Variants in LYRM4 observed in about 807,000 individuals in gnomAD.
LYRM4 encodes LYR motif-containing protein 4.
A neutral mutation model predicts 11.7 loss-of-function variants in LYRM4; 9 were observed. That is an observed-to-expected ratio of 0.77 (90% CI 0.46 to 1.34). LYRM4 has a LOEUF of 1.34. LYRM4 is among the 40% of genes most tolerant of loss of function. The pLI is 0.00. For synonymous variants in LYRM4, 42 were observed against 40.4 expected, an observed-to-expected ratio of 1.04 and a Z score of -0.15; for missense variants, 133 against 112.5, an observed-to-expected ratio of 1.18 and a Z score of -0.82.
At chr6:5,045,457 G>A in the LYRM4 span, among the ~76,000 whole-genome samples, 4 of 152,178 alleles carry the variant, frequency 2.6e-5, no homozygotes, top group Non-Finnish European at 5.9e-5. Context: ...CCAGGGACTC[G>A]GGGAGAGAGG....
intron 2 of LYRM4, among the ~76,000 whole-genome samples, chr6:5,142,825 G>A (rs1449193605): frequency 6.6e-6 from 1 of 152,162 alleles, no homozygotes; most frequent in Non-Finnish European, 1.5e-5. Flanking sequence ...CTTTCCCTAC[G>A]CTGCCTCGTA....
chr6:5,203,238 C>A lies in LYRM4; in HGVS notation c.207+13380G>T, dbSNP rs181549551. On this transcript the variant is annotated intron_variant, in intron 2 of 2. Transcript: ENST00000330636. ...TTACAGAAATCCAAGGAAAATTTCA[C>A]TGAAGCTCTGATTAGGCATATCTTG... 3.3e-4 allele frequency among the ~76,000 whole-genome samples: 51 copies of A among 152,312 alleles called. No individual in the cohort carries two copies. The East Asian group carries it at 6.6e-3, about 20-fold the overall frequency.
At chr6:5,260,598 T>TGCCCCGGCCCCGGGG in intron 1 of LYRM4, 50 bp downstream of exon 1, 14 of 1,105,554 alleles carry the variant, frequency 1.3e-5, no homozygotes, top group Non-Finnish European at 1.6e-5. Flanking sequence ...GCACCCCCGG[T>TGCCCCGGCCCCGGGG]CCCCGGCCCC....
Position 5,154,133 on chromosome 6 carries a change from A to G in LYRM4, c.208-44642T>C, listed in dbSNP as rs76554044. Among the ~76,000 whole-genome samples, 563 of 152,336 alleles carry G rather than the reference A, an allele frequency of 3.7e-3. 4 individuals carry two copies. The highest frequency in any genetic ancestry group is 0.013 in the African/African-American group (539 of 41,576). On this transcript the variant is annotated intron_variant, in intron 2 of 2. Transcript: ENST00000330636. ...TAAGCCACTAATTTTAATCAATATC[A>G]GTCTGGAGGTTTTAAATGACTTTCT...
chr6:5,216,874 C>T (rs1009583250), intron 1 of LYRM4, 136 bp from the exon 2 acceptor site: 8 of 1,067,540 alleles, frequency 7.5e-6, no homozygotes, highest in Admixed American at 5.7e-5. Context: ...GATCTTTGCT[C>T]GTGGCGCAGG....
intron 2 of LYRM4, among the ~76,000 whole-genome samples, chr6:5,192,940 G>A (rs577005442): frequency 7.8e-4 from 119 of 152,244 alleles, no homozygotes; most frequent in Non-Finnish European, 1.2e-3. Context: ...GCAGGAGAAT[G>A]GCTTGAACCC....
chr6:5,123,331 T>C lies in LYRM4; in HGVS notation c.208-13840A>G, dbSNP rs567671906. On this transcript the variant is annotated intron_variant, in intron 2 of 2. Transcript: ENST00000330636. ...AGTGGAGGTGAGAGAGAACAGAGGG[T>C]GGGACATGGGCAGTCAGCAGTGGTG... Among the ~76,000 whole-genome samples the C allele has an allele frequency of 5.9e-4, 90 of 152,152 alleles. 1 individual carries two copies. The highest frequency in any genetic ancestry group is 5.3e-3 in the Admixed American group (81 of 15,290).
chr6:5,075,225 T>C, the LYRM4 span, among the ~76,000 whole-genome samples: 3 of 152,334 alleles, frequency 2.0e-5, no homozygotes, highest in African/African-American at 7.2e-5. Flanking sequence ...CAGATATTTA[T>C]AGCAATGGAA....
At chr6:5,185,167 G>C (rs1204242251) in intron 2 of LYRM4, among the ~76,000 whole-genome samples, 1 of 152,242 alleles carries the variant, frequency 6.6e-6, no homozygotes, top group Non-Finnish European at 1.5e-5. Context: ...ATACCTGGGT[G>C]AAAGTCTGGC....
the LYRM4 span, chr6:5,086,138 T>G: frequency 1.3e-6 from 2 of 1,492,614 alleles, no homozygotes; most frequent in Non-Finnish European, 1.8e-6. Flanking sequence ...CGGCAGCGCG[T>G]GTGCCTGGAG....
At chr6:5,153,339 C>T (rs185693179) in intron 2 of LYRM4, among the ~76,000 whole-genome samples, 32 of 152,274 alleles carry the variant, frequency 2.1e-4, no homozygotes, top group African/African-American at 7.7e-4. Flanking sequence ...GACCCGCCCA[C>T]CTCAGCCTCC....
At chr6:5,095,012 C>T in the LYRM4 span, among the ~76,000 whole-genome samples, 7 of 152,228 alleles carry the variant, frequency 4.6e-5, no homozygotes, top group East Asian at 1.9e-4. Flanking sequence ...CCAAGATAAT[C>T]GTTCGAGATG....
At chr6:5,124,720 T>C (rs1763624892) in intron 2 of LYRM4, among the ~76,000 whole-genome samples, 1 of 152,178 alleles carries the variant, frequency 6.6e-6, no homozygotes, top group African/African-American at 2.4e-5. Flanking sequence ...CCCACCTCCC[T>C]GCCCGGCTCC....
At chr6:5,161,355 G>T (rs1758746748) in intron 2 of LYRM4, among the ~76,000 whole-genome samples, 1 of 152,070 alleles carries the variant, frequency 6.6e-6, no homozygotes, top group African/African-American at 2.4e-5. Flanking sequence ...AAATTAGTAG[G>T]ATCTATCTTT....
At chr6:5,099,943 T>A (rs1299599574), downstream of LYRM4, among the ~76,000 whole-genome samples, 1 of 152,150 alleles carries the variant, frequency 6.6e-6, no homozygotes, top group East Asian at 1.9e-4. The surrounding 1 kb of genome is among the most constrained non-coding windows in gnomAD (Gnocchi z 4.3). Context: ...ACATTTTGCT[T>A]GGGTGCCTCC....
intron 1 of LYRM4, among the ~76,000 whole-genome samples, chr6:5,259,319 T>C (rs565474026): frequency 6.6e-6 from 1 of 152,108 alleles, no homozygotes; most frequent in African/African-American, 2.4e-5. Context: ...TACTTGGTGC[T>C]AGGTGTTTGG....
rs557835757 is a variant in LYRM4, at chr6:5,160,431, GTA to G, written c.208-50942_208-50941del. Reference sequence around the variant, plus strand: ...TGTGGTGGGAGGGACCTGGTGGGAGGTAATTGAATCATGGGGGCGGGTCTTTT... The same window carrying G: ...TGTGGTGGGAGGGACCTGGTGGGAGGATTGAATCATGGGGGCGGGTCTTTT... On this transcript the variant is annotated intron_variant, in intron 2 of 2. Transcript: ENST00000330636. 2.8e-3 allele frequency among the ~76,000 whole-genome samples: 419 copies of G among 152,196 alleles called. 3 individuals carry two copies. Among genetic ancestry groups the G allele is most frequent in the African/African-American group, 9.6e-3 (398 of 41,518 alleles).
chr6:5,069,700 C>T, the LYRM4 span, among the ~76,000 whole-genome samples: 2 of 152,080 alleles, frequency 1.3e-5, no homozygotes, highest in African/African-American at 2.4e-5. Context: ...AGGCTGGTCT[C>T]GATCTCCTGA....
At chr6:5,229,558 G>C (rs538646548) in intron 1 of LYRM4, among the ~76,000 whole-genome samples, 2 of 152,316 alleles carry the variant, frequency 1.3e-5, no homozygotes, top group African/African-American at 2.4e-5. Flanking sequence ...CAAAGCCCCA[G>C]CTCCTGTGAC....
Sources: gnomAD v4.1 joint callset for allele counts (sites outside exome capture counted in the v4.1 genomes callset) on GRCh38, gnomAD v4.1.1 for gene constraint, Gnocchi (gnomAD v3.1) non-coding constraint, MANE v1.5 for transcripts, NCBI Gene and HGNC (gene_info 2026-07-23, HGNC 2026-07-21) for gene names.